PDSS2: variants seen among roughly 807,000 people sequenced by gnomAD.
PDSS2 encodes decaprenyl diphosphate synthase subunit 2.
In PDSS2, 31 loss-of-function variants were observed where a neutral mutation model predicts 44.5. That is an observed-to-expected ratio of 0.70 (90% CI 0.52 to 0.94). The LOEUF (loss-of-function observed/expected upper bound fraction) is 0.94. Among genes scored for constraint, PDSS2 ranks in the 40% least tolerant of loss-of-function variants. PDSS2 has a pLI of 0.00. For missense variants in PDSS2, 452 were observed against 482.2 expected (o/e 0.94, Z 0.59); for synonymous variants, 157 against 180.3 (o/e 0.87, Z 1.03).
chr6:107,234,575 G>T (rs1309023469), intron 4 of PDSS2, among the ~76,000 whole-genome samples: 1 of 150,672 alleles, frequency 6.6e-6, no homozygotes, highest in Non-Finnish European at 1.5e-5. Flanking sequence ...CTACAAAGAT[G>T]AATTCCCAAA....
At chr6:107,225,792 T>C (rs1322763651) in intron 4 of PDSS2, among the ~76,000 whole-genome samples, 1 of 152,214 alleles carries the variant, frequency 6.6e-6, no homozygotes, top group African/African-American at 2.4e-5. Context: ...AGATAAAAAG[T>C]GACACTTCAT....
At chr6:107,400,731 T>A (rs1339187566) in intron 1 of PDSS2, among the ~76,000 whole-genome samples, 1 of 152,140 alleles carries the variant, frequency 6.6e-6, no homozygotes, top group Non-Finnish European at 1.5e-5. Context: ...CCTGGAGTGT[T>A]GCTCCAGGGG....
At chr6:107,283,961 G>A (rs552947009) in intron 2 of PDSS2, among the ~76,000 whole-genome samples, 1 of 151,954 alleles carries the variant, frequency 6.6e-6, no homozygotes, top group East Asian at 1.9e-4. Flanking sequence ...AGGAGGTGGA[G>A]GTTGCCATGA....
At chr6:107,245,418 CAAAAAAAAAAAAAAAAAAA>C (rs35614951) in intron 4 of PDSS2, 111 bp downstream of exon 4, 1 of 115,906 alleles carries the variant, frequency 8.6e-6, no homozygotes, top group South Asian at 6.5e-5. Flanking sequence ...AAACACTAAT[CAAAAAAAAAAAAAAAAAAA>C]AAAAAAAAGC....
chr6:107,342,386 T>C (rs1353703454), intron 1 of PDSS2, among the ~76,000 whole-genome samples: 1 of 152,114 alleles, frequency 6.6e-6, no homozygotes, highest in African/African-American at 2.4e-5. Context: ...TTTTCCTAAA[T>C]TGTAGTAAGT....
chr6:107,319,785 TA>T (rs968120850), intron 2 of PDSS2, among the ~76,000 whole-genome samples: 5 of 152,228 alleles, frequency 3.3e-5, no homozygotes, highest in Admixed American at 1.3e-4. Flanking sequence ...GTTAAAGCCC[TA>T]AATTGAATTA....
chr6:107,373,508 C>G (rs1779189319), intron 1 of PDSS2, among the ~76,000 whole-genome samples: 1 of 152,172 alleles, frequency 6.6e-6, no homozygotes, highest in South Asian at 2.1e-4. Context: ...AATCTAGAGA[C>G]AGACTGTAGT....
chr6:107,279,078 G>A, intron 2 of PDSS2, among the ~76,000 whole-genome samples: 1 of 152,108 alleles, frequency 6.6e-6, no homozygotes, highest in East Asian at 1.9e-4. Context: ...AAATTGGCTG[G>A]ACATGGTGGC....
chr6:107,195,390 G>C (rs953299861), intron 6 of PDSS2, among the ~76,000 whole-genome samples: 1 of 150,138 alleles, frequency 6.7e-6, no homozygotes, highest in Non-Finnish European at 1.5e-5. Context: ...GCTGAGGTGA[G>C]AGGACTGCCT....
chr6:107,359,674 G>A (rs1270647273), intron 1 of PDSS2, among the ~76,000 whole-genome samples: 2 of 149,694 alleles, frequency 1.3e-5, no homozygotes, highest in Non-Finnish European at 3.0e-5. Flanking sequence ...TCAGATATAA[G>A]GCATCAAGCA....
At chr6:107,329,599 T>G (rs1291244430) in intron 2 of PDSS2, among the ~76,000 whole-genome samples, 1 of 152,178 alleles carries the variant, frequency 6.6e-6, no homozygotes, top group African/African-American at 2.4e-5. Flanking sequence ...CATTTTGACT[T>G]GATTAGCTCT....
intron 2 of PDSS2, among the ~76,000 whole-genome samples, chr6:107,282,227 T>A (rs558335920): frequency 6.6e-6 from 1 of 152,084 alleles, no homozygotes; most frequent in African/African-American, 2.4e-5. Flanking sequence ...ATAAAGGCTA[T>A]AGGGCATCAC....
chr6:107,446,871 C>T (rs529508240), intron 1 of PDSS2, among the ~76,000 whole-genome samples: 4 of 151,828 alleles, frequency 2.6e-5, no homozygotes, highest in Non-Finnish European at 4.4e-5. Context: ...TAGGTGAGGA[C>T]ATTCTGACCC....
intron 3 of PDSS2, among the ~76,000 whole-genome samples, chr6:107,254,532 T>C (rs1426046344): frequency 1.3e-5 from 2 of 152,210 alleles, no homozygotes; most frequent in African/African-American, 4.8e-5. Flanking sequence ...TAGCAGTTAG[T>C]TGCTTTATTT....
intron 4 of PDSS2, among the ~76,000 whole-genome samples, chr6:107,227,486 C>G (rs1205225796): frequency 6.6e-6 from 1 of 151,694 alleles, no homozygotes; most frequent in African/African-American, 2.4e-5. Flanking sequence ...GCGGGTTTCA[C>G]CATGTTGGCC....
intron 1 of PDSS2, among the ~76,000 whole-genome samples, chr6:107,425,968 A>G (rs1780989374): frequency 6.6e-6 from 1 of 152,124 alleles, no homozygotes; most frequent in African/African-American, 2.4e-5. Flanking sequence ...CTCGAAAAAA[A>G]AAAAAAAAGA....
intron 4 of PDSS2, among the ~76,000 whole-genome samples, chr6:107,236,332 G>T (rs1374468476): frequency 6.6e-6 from 1 of 152,180 alleles, no homozygotes; most frequent in Non-Finnish European, 1.5e-5. Flanking sequence ...GCTGGACGCA[G>T]TGGCTGACAC....
intron 7 of PDSS2, among the ~76,000 whole-genome samples, chr6:107,181,739 A>G (rs1193342651): frequency 6.6e-6 from 1 of 151,118 alleles, no homozygotes; most frequent in East Asian, 1.9e-4. Flanking sequence ...AAAATACAAA[A>G]ATTAGCCAGG....
At chr6:107,176,478 T>C (rs1771794061) in intron 7 of PDSS2, among the ~76,000 whole-genome samples, 1 of 151,132 alleles carries the variant, frequency 6.6e-6, no homozygotes, top group Non-Finnish European at 1.5e-5. Context: ...GCATGTTTAG[T>C]ATAGTTTTTC....
Sources: allele counts gnomAD v4.1 joint callset (sites outside exome capture counted in the v4.1 genomes callset), GRCh38; gene constraint gnomAD v4.1.1; transcripts MANE v1.5; gene names NCBI Gene and HGNC (gene_info 2026-07-23, HGNC 2026-07-21).